CDH18: variants seen among roughly 807,000 people sequenced by gnomAD.
The protein encoded by CDH18 is cadherin-18.
Under a neutral mutation model 67.9 loss-of-function variants are expected in CDH18, and 31 were observed. The observed-to-expected ratio is 0.46, with a 90% CI of 0.34 to 0.62. The LOEUF is 0.62. CDH18 is among the 20% of genes least tolerant of loss of function. The pLI is 0.01. For synonymous variants in CDH18, 362 were observed against 347.2 expected (o/e 1.04, Z -0.48); for missense variants, 890 against 975.5 (o/e 0.91, Z 1.17).
At chr5:20,526,859 G>A (rs977820999) in intron 1 of CDH18, among the ~76,000 whole-genome samples, 10 of 152,154 alleles carry the variant, frequency 6.6e-5, no homozygotes, top group African/African-American at 2.4e-4. Flanking sequence ...AAGCCAGCAT[G>A]CCTCTTCTCC....
At chr5:19,670,930 G>A (rs1171066589) in intron 5 of CDH18, among the ~76,000 whole-genome samples, 3 of 152,006 alleles carry the variant, frequency 2.0e-5, no homozygotes, top group South Asian at 2.1e-4. Flanking sequence ...TTATTTTGTG[G>A]CTAAACCAAA....
chr5:19,693,915 A>G (rs1303759011), intron 5 of CDH18, among the ~76,000 whole-genome samples: 3 of 140,062 alleles, frequency 2.1e-5, no homozygotes. Context: ...AAAAAAAAAG[A>G]TTATGACAGG....
chr5:20,390,653 T>C (rs994350345), intron 1 of CDH18, among the ~76,000 whole-genome samples: 1 of 152,108 alleles, frequency 6.6e-6, no homozygotes, highest in Admixed American at 6.6e-5. Flanking sequence ...ACCCAAAGGA[T>C]TATAAATCAT....
chr5:20,516,487 G>A (rs1456698335), intron 1 of CDH18, among the ~76,000 whole-genome samples: 1 of 151,850 alleles, frequency 6.6e-6, no homozygotes, highest in Non-Finnish European at 1.5e-5. Context: ...TTTGGGCTGA[G>A]TTTTCAAATG....
intron 2 of CDH18, among the ~76,000 whole-genome samples, chr5:20,093,088 T>C (rs2150563194): frequency 6.6e-6 from 1 of 152,078 alleles, no homozygotes; most frequent in Non-Finnish European, 1.5e-5. Flanking sequence ...ATATTAATAT[T>C]GAGCAAGGAA....
At chr5:20,162,778 G>T (rs1207267187) in intron 2 of CDH18, among the ~76,000 whole-genome samples, 1 of 151,676 alleles carries the variant, frequency 6.6e-6, no homozygotes, top group African/African-American at 2.4e-5. Flanking sequence ...ATAAAATTTG[G>T]CTGGGCACAG....
intron 5 of CDH18, among the ~76,000 whole-genome samples, chr5:19,703,672 GGGT>G (rs1763567838): frequency 6.6e-6 from 1 of 152,114 alleles, no homozygotes; most frequent in Non-Finnish European, 1.5e-5. Context: ...CTAGAAGAGA[GGGT>G]GATATAGAGG....
intron 1 of CDH18, among the ~76,000 whole-genome samples, chr5:20,478,229 G>A (rs1302452977): frequency 6.6e-6 from 1 of 152,126 alleles, no homozygotes; most frequent in Non-Finnish European, 1.5e-5. Flanking sequence ...AGAGGAAAGA[G>A]TAAGGGAGAC....
At chr5:20,193,944 A>G (rs945736678) in intron 2 of CDH18, among the ~76,000 whole-genome samples, 2 of 152,104 alleles carry the variant, frequency 1.3e-5, no homozygotes, top group African/African-American at 2.4e-5. Flanking sequence ...CTAATGGAAC[A>G]TATCTCAAAA....
chr5:20,136,690 T>C (rs577246162), intron 2 of CDH18, among the ~76,000 whole-genome samples: 2 of 152,310 alleles, frequency 1.3e-5, no homozygotes, highest in South Asian at 4.1e-4. Flanking sequence ...GCATTGATGA[T>C]TTTTACAATT....
At chr5:20,052,502 A>G (rs1284601558) in intron 2 of CDH18, among the ~76,000 whole-genome samples, 1 of 152,050 alleles carries the variant, frequency 6.6e-6, no homozygotes, top group African/African-American at 2.4e-5. Flanking sequence ...TACATAAATA[A>G]CAATAGCAAC....
At chr5:19,502,853 A>C (rs1245392754) in intron 11 of CDH18, 139 bp downstream of exon 11, 1 of 702,158 alleles carries the variant, frequency 1.4e-6, no homozygotes, top group Non-Finnish European at 2.6e-6. Context: ...AGCTATTCAC[A>C]GATCATAACA....
intron 2 of CDH18, among the ~76,000 whole-genome samples, chr5:19,925,405 G>A (rs374441741): frequency 6.6e-6 from 1 of 152,268 alleles, no homozygotes. Context: ...ATGCAAGAAC[G>A]CAAGACATCA....
At chr5:20,031,196 G>A (rs75238486) in intron 2 of CDH18, among the ~76,000 whole-genome samples, 4,990 of 152,026 alleles carry the variant, frequency 0.033, 275 homozygotes, top group African/African-American at 0.11. Flanking sequence ...TCTGCTTTAC[G>A]TTGGACTTAA....
chr5:19,989,286 G>A (rs1218862708), upstream of CDH18, among the ~76,000 whole-genome samples: 1 of 152,170 alleles, frequency 6.6e-6, no homozygotes, highest in Non-Finnish European at 1.5e-5. Context: ...CTAAGAGAAA[G>A]ATATTACTTT....
Position 20,213,275 on chromosome 5 carries a change from A to ATTAG in CDH18, c.-518+42165_-518+42168dup, listed in dbSNP as rs1303732578. On this transcript the variant is annotated intron_variant, in intron 2 of 14. Transcript: ENST00000507958. The stretch of plus-strand genomic sequence containing the variant: ...TTGTAGTCAGATAACACATTTATTG[A>ATTAG]TTAGTTTACTGTCTTATACGGGCAC... Among the ~76,000 whole-genome samples, 3 of 152,242 alleles carry ATTAG rather than the reference A, an allele frequency of 2.0e-5. No homozygotes were observed. In the East Asian group the frequency reaches 5.8e-4, roughly 29 times the overall value.
intron 6 of CDH18, among the ~76,000 whole-genome samples, chr5:19,599,873 C>T (rs553060798): frequency 1.3e-5 from 2 of 151,968 alleles, no homozygotes; most frequent in East Asian, 1.9e-4. Flanking sequence ...GGCGACAGAG[C>T]GAGACTGTGT....
intron 2 of CDH18, among the ~76,000 whole-genome samples, chr5:19,889,748 C>G (rs547191750): frequency 6.6e-6 from 1 of 152,084 alleles, no homozygotes; most frequent in African/African-American, 2.4e-5. Flanking sequence ...TTTTAAAAGG[C>G]CTAAACACAC....
intron 1 of CDH18, among the ~76,000 whole-genome samples, chr5:20,478,752 G>C (rs547996780): frequency 6.6e-6 from 1 of 152,286 alleles, no homozygotes; most frequent in East Asian, 1.9e-4. Context: ...TGGGCTTTGA[G>C]TGAACATCAG....
Sources: gnomAD v4.1 joint callset for allele counts (sites outside exome capture counted in the v4.1 genomes callset) on GRCh38, gnomAD v4.1.1 for gene constraint, MANE v1.5 for transcripts, NCBI Gene and HGNC (gene_info 2026-07-23, HGNC 2026-07-21) for gene names.